The following LRMDA variants were observed in gnomAD, a reference collection of about 807,000 sequenced individuals.
LRMDA encodes the protein leucine-rich melanocyte differentiation-associated protein.
Under a neutral mutation model 29.8 loss-of-function variants are expected in LRMDA, and 18 were observed. The observed-to-expected ratio is 0.60, with a 90% CI of 0.42 to 0.90. The LOEUF (loss-of-function observed/expected upper bound fraction) is 0.90, where lower values mean the gene tolerates loss of function less well. Ranked by LOEUF, LRMDA falls within the 40% of genes least tolerant of loss-of-function variation. The pLI is 0.00. For missense variants in LRMDA, 273 were observed against 273.9 expected (o/e 1.00, Z 0.02); for synonymous variants, 125 against 109.4 (o/e 1.14, Z -0.89).
At chr10:75,632,058 C>T (rs901874602) in intron 2 of LRMDA, among the ~76,000 whole-genome samples, 5 of 152,198 alleles carry the variant, frequency 3.3e-5, no homozygotes, top group Admixed American at 1.3e-4. Flanking sequence ...GTTGGCTGTG[C>T]TTCTGGCAAC....
chr10:76,395,480 C>T (rs1181250711), intron 6 of LRMDA, among the ~76,000 whole-genome samples: 2 of 152,194 alleles, frequency 1.3e-5, no homozygotes, highest in African/African-American at 4.8e-5. Flanking sequence ...GGCAGCTTGG[C>T]TTCACTTGTA....
intron 2 of LRMDA, among the ~76,000 whole-genome samples, chr10:75,595,571 A>T (rs1840776090): frequency 6.7e-6 from 1 of 148,962 alleles, no homozygotes; most frequent in African/African-American, 2.4e-5. Flanking sequence ...ATATAATTAT[A>T]ATATATATAA....
chr10:75,608,129 T>TATATACAC lies in LRMDA; in HGVS notation c.131+169636_131+169637insTATACACA, dbSNP rs11271217. Among the ~76,000 whole-genome samples the TATATACAC allele has an allele frequency of 5.0e-4, 45 of 89,598 alleles. 3 individuals are homozygous for TATATACAC. The East Asian group carries it at 6.8e-3, about 14-fold the overall frequency. The allele number at this position is 89,598 out of a possible 152,430, so 58.8% of individuals were successfully genotyped here. A position where few individuals can be genotyped will look rare whatever the true frequency, so the allele number is the denominator to read the frequency against. On this transcript the variant is annotated intron_variant, in intron 2 of 6. Coordinates refer to ENST00000611255, the MANE Select transcript of LRMDA (RefSeq NM_001305581.2). ...GTGTGTGTATATATATATATATATA[T>TATATACAC]ACACACACATACACAAAGCAATATT...
intron 5 of LRMDA, among the ~76,000 whole-genome samples, chr10:76,100,069 T>C (rs1849372841): frequency 6.6e-6 from 1 of 152,150 alleles, no homozygotes; most frequent in South Asian, 2.1e-4. Context: ...TTTCTTTCAG[T>C]TTTATCATTT....
At chr10:76,081,285 G>C (rs1274365492) in intron 5 of LRMDA, among the ~76,000 whole-genome samples, 1 of 152,132 alleles carries the variant, frequency 6.6e-6, no homozygotes, top group Non-Finnish European at 1.5e-5. Flanking sequence ...AGAAAAGCCT[G>C]GGAAACATGG....
chr10:75,483,873 T>TTTTTTG (rs1233909357), intron 2 of LRMDA, among the ~76,000 whole-genome samples: 1 of 151,300 alleles, frequency 6.6e-6, no homozygotes, highest in Non-Finnish European at 1.5e-5. Flanking sequence ...AGAGGTTTTT[T>TTTTTTG]TTTTTTAATG....
At chr10:76,120,451 G>A (rs565221241) in intron 5 of LRMDA, among the ~76,000 whole-genome samples, 1 of 152,204 alleles carries the variant, frequency 6.6e-6, no homozygotes, top group South Asian at 2.1e-4. Context: ...ACCTCCCAAA[G>A]TGCTGGGATT....
At chr10:75,818,117 T>A (rs1844092163) in intron 2 of LRMDA, among the ~76,000 whole-genome samples, 1 of 152,202 alleles carries the variant, frequency 6.6e-6, no homozygotes, top group Non-Finnish European at 1.5e-5. Flanking sequence ...ATATCCTTTT[T>A]CAAATGTCCT....
chr10:75,946,039 C>G (rs1276069065), intron 2 of LRMDA, among the ~76,000 whole-genome samples: 1 of 152,230 alleles, frequency 6.6e-6, no homozygotes, highest in Non-Finnish European at 1.5e-5. Flanking sequence ...CTCAGATGCA[C>G]TGGCTAGGAT....
intron 2 of LRMDA, among the ~76,000 whole-genome samples, chr10:75,528,523 G>A (rs1469202329): frequency 6.6e-6 from 1 of 152,172 alleles, no homozygotes; most frequent in Admixed American, 6.5e-5. Context: ...TGAAGCAGGG[G>A]TTGAGAAGAC....
At chr10:76,020,638 A>G (rs749436930) in intron 2 of LRMDA, among the ~76,000 whole-genome samples, 1 of 152,162 alleles carries the variant, frequency 6.6e-6, no homozygotes, top group Non-Finnish European at 1.5e-5. Context: ...GGCCCTGGGT[A>G]TGGGGCCTGG....
chr10:75,904,624 A>T (rs1460124092), intron 2 of LRMDA, among the ~76,000 whole-genome samples: 1 of 152,204 alleles, frequency 6.6e-6, no homozygotes, highest in Non-Finnish European at 1.5e-5. Context: ...TGTCACAGCG[A>T]GGGAATTGTT....
At chr10:75,903,153 CTATT>C (rs1434316910) in intron 2 of LRMDA, among the ~76,000 whole-genome samples, 2 of 152,246 alleles carry the variant, frequency 1.3e-5, no homozygotes, top group Non-Finnish European at 2.9e-5. Flanking sequence ...ATCCCTCTCT[CTATT>C]TAAGTCATTG....
chr10:76,042,927 A>G (rs1005051280), intron 3 of LRMDA, among the ~76,000 whole-genome samples: 3 of 152,188 alleles, frequency 2.0e-5, no homozygotes, highest in Non-Finnish European at 2.9e-5. Context: ...CATATATGAT[A>G]GGAGCTGTAT....
chr10:76,213,242 T>C (rs182748026), intron 5 of LRMDA, among the ~76,000 whole-genome samples: 1 of 152,244 alleles, frequency 6.6e-6, no homozygotes. Context: ...TGGAGGCACA[T>C]CTCTCTGTCG....
At chr10:75,813,369 T>G (rs1016293138) in intron 2 of LRMDA, among the ~76,000 whole-genome samples, 4 of 152,008 alleles carry the variant, frequency 2.6e-5, no homozygotes, top group African/African-American at 9.7e-5. Context: ...CCCTGGAGGG[T>G]CTACATCTTA....
intron 2 of LRMDA, among the ~76,000 whole-genome samples, chr10:75,697,261 T>G (rs923869196): frequency 1.3e-5 from 2 of 152,154 alleles, no homozygotes; most frequent in African/African-American, 4.8e-5. Flanking sequence ...CTTTCTAATT[T>G]GTCTGTTTCA....
At chr10:75,792,918 T>C (rs1227488996) in intron 2 of LRMDA, among the ~76,000 whole-genome samples, 1 of 152,198 alleles carries the variant, frequency 6.6e-6, no homozygotes, top group African/African-American at 2.4e-5. Context: ...GTCCTGTGAC[T>C]TGGTACTTTG....
At chr10:75,999,106 G>A (rs1295654831) in intron 2 of LRMDA, among the ~76,000 whole-genome samples, 2 of 152,190 alleles carry the variant, frequency 1.3e-5, no homozygotes, top group South Asian at 2.1e-4. Context: ...CCAGAAAGCC[G>A]GGAAATAGCA....
Sources: allele counts gnomAD v4.1 joint callset (sites outside exome capture counted in the v4.1 genomes callset), GRCh38; gene constraint gnomAD v4.1.1; transcripts MANE v1.5; gene names NCBI Gene and HGNC (gene_info 2026-07-23, HGNC 2026-07-21).